LRRC4C: variants seen among roughly 807,000 people sequenced by gnomAD.
The protein encoded by LRRC4C is leucine-rich repeat-containing protein 4C.
LRRC4C carries 5 observed loss-of-function variants against 33.6 expected under a neutral mutation model. That is an observed-to-expected ratio of 0.15 (90% CI 0.08 to 0.31). The LOEUF is 0.31. Ranked by LOEUF, LRRC4C falls within the 10% of genes least tolerant of loss-of-function variation. LRRC4C has a pLI of 1.00. For synonymous variants in LRRC4C, 329 were observed against 302.0 expected (o/e 1.09, Z -0.93); for missense variants, 560 against 796.7 (o/e 0.70, Z 3.58).
intron 1 of LRRC4C, among the ~76,000 whole-genome samples, chr11:41,246,853 TG>T (rs1948471261): frequency 6.6e-6 from 1 of 152,234 alleles, no homozygotes; most frequent in African/African-American, 2.4e-5. Context: ...GTCAACACTC[TG>T]GGACAGGCAC....
chr11:40,635,628 A>ATTTTTT lies in LRRC4C; in HGVS notation c.-270+12508_-270+12513dup, dbSNP rs71060975. Among the ~76,000 whole-genome samples, 304 of 92,218 alleles carry ATTTTTT rather than the reference A, an allele frequency of 3.3e-3. 14 individuals carry two copies. The highest frequency in any genetic ancestry group is 0.012 in the African/African-American group (293 of 24,790). The allele number at this position is 92,218 out of a possible 152,430, so 60.5% of individuals were successfully genotyped here. ...ACTCCAGAAATTGAAAAAGAACCAA[A>ATTTTTT]TTTTTTTTTTTTTTTTTTTTTTTTT... On this transcript the variant is annotated intron_variant, in intron 3 of 6. Coordinates refer to ENST00000528697, the MANE Select transcript of LRRC4C (RefSeq NM_001258419.2).
At chr11:40,836,997 T>C (rs1359889419) in intron 2 of LRRC4C, among the ~76,000 whole-genome samples, 1 of 152,128 alleles carries the variant, frequency 6.6e-6, no homozygotes, top group Non-Finnish European at 1.5e-5. Flanking sequence ...AAATCTCTTG[T>C]TTTTGCCAGC....
In LRRC4C at chr11:41,221,910, C is replaced by T. The variant is rs117203378; in HGVS notation, c.-496+237521G>A. Among the ~76,000 whole-genome samples the T allele has an allele frequency of 6.1e-3, 933 of 152,020 alleles. 4 individuals are homozygous for T. The highest frequency in any genetic ancestry group is 0.011 in the Non-Finnish European group (730 of 68,004). ...CCTGAATTTGTACTTATTTCTTCTT[C>T]TAGGGCACGCTACATCTTAAGAACT... On this transcript the variant is annotated intron_variant, in intron 1 of 6. Transcript: ENST00000528697.
intron 1 of LRRC4C, among the ~76,000 whole-genome samples, chr11:41,011,567 G>T (rs1046380487): frequency 9.2e-5 from 14 of 151,822 alleles, no homozygotes; most frequent in African/African-American, 3.4e-4. Flanking sequence ...CTCTTAACCT[G>T]CCCTTTAACA....
Position 40,114,613 on chromosome 11 carries a change from G to T in LRRC4C, c.1680C>A (p.His560Gln), listed in dbSNP as rs142620688. 6.2e-7 allele frequency: 1 copy of T among 1,614,038 alleles called. No individual in the cohort carries two copies. Among genetic ancestry groups the T allele is most frequent in the African/African-American group, 1.3e-5 (1 of 74,908 alleles). Residue 560 changes from histidine (H) to glutamine (Q), a missense_variant, in exon 7 of 7, where the codon CAC (histidine) becomes CAA (glutamine). By Grantham distance (24) the His-to-Gln change is conservative. This residue lies in a region of LRRC4C where 103 missense variants were observed against 132.1 expected (regional missense o/e 0.78). Coordinates refer to ENST00000528697, the MANE Select transcript of LRRC4C (RefSeq NM_001258419.2). ...MRKQHHRQNH[H>Q]APTRTVEIIN... ...TAATTTCAACAGTCCTTGTTGGGGC[G>T]TGATGGTTTTGCCGATGGTGCTGCT...
intron 1 of LRRC4C, among the ~76,000 whole-genome samples, chr11:41,347,503 A>C (rs1951841655): frequency 6.6e-6 from 1 of 152,196 alleles, no homozygotes; most frequent in Non-Finnish European, 1.5e-5. Flanking sequence ...TAAATTTTCA[A>C]ATTTCAAGGG....
At chr11:40,788,822 G>C (rs1479036141) in intron 2 of LRRC4C, among the ~76,000 whole-genome samples, 1 of 152,072 alleles carries the variant, frequency 6.6e-6, no homozygotes, top group Non-Finnish European at 1.5e-5. Flanking sequence ...GGCCGGGCAC[G>C]GTGGCTCACG....
intron 3 of LRRC4C, among the ~76,000 whole-genome samples, chr11:40,540,212 C>T (rs923527121): frequency 1.3e-5 from 2 of 152,158 alleles, no homozygotes; most frequent in Non-Finnish European, 2.9e-5. Context: ...CTTTTTCCCT[C>T]TTAGCTTTTT....
chr11:40,956,813 A>G (rs961884515), intron 1 of LRRC4C, among the ~76,000 whole-genome samples: 3 of 151,710 alleles, frequency 2.0e-5, no homozygotes. Context: ...CTTCACTTCA[A>G]AGACATATTT....
At chr11:40,659,508 G>A (rs1943312252) in intron 2 of LRRC4C, among the ~76,000 whole-genome samples, 1 of 152,098 alleles carries the variant, frequency 6.6e-6, no homozygotes, top group African/African-American at 2.4e-5. Flanking sequence ...GCCCTTGGTT[G>A]CCCATGGACC....
At chr11:41,453,112 T>G (rs1259270919) in intron 1 of LRRC4C, among the ~76,000 whole-genome samples, 1 of 152,132 alleles carries the variant, frequency 6.6e-6, no homozygotes. Context: ...TATTGGGACA[T>G]GCTACCCATA....
chr11:40,377,393 T>C (rs1368028915), intron 3 of LRRC4C, among the ~76,000 whole-genome samples: 1 of 152,188 alleles, frequency 6.6e-6, no homozygotes, highest in African/African-American at 2.4e-5. Flanking sequence ...TGTTGATTAA[T>C]TTGTCATCAA....
At chr11:41,166,534 T>C in intron 1 of LRRC4C, among the ~76,000 whole-genome samples, 1 of 152,132 alleles carries the variant, frequency 6.6e-6, no homozygotes, top group East Asian at 1.9e-4. Context: ...TTTTGACAAA[T>C]TCACTAACTC....
intron 3 of LRRC4C, among the ~76,000 whole-genome samples, chr11:40,598,490 T>G (rs1218545600): frequency 6.6e-6 from 1 of 152,152 alleles, no homozygotes; most frequent in African/African-American, 2.4e-5. Flanking sequence ...AGTAAGCACT[T>G]AAAACATGTT....
intron 1 of LRRC4C, among the ~76,000 whole-genome samples, chr11:41,203,498 C>G (rs1014143507): frequency 1.3e-5 from 2 of 152,106 alleles, no homozygotes; most frequent in African/African-American, 4.8e-5. Context: ...AAATAAATTG[C>G]AAACTTTATT....
At chr11:40,219,808 T>C (rs1030715243) in intron 5 of LRRC4C, among the ~76,000 whole-genome samples, 4 of 151,972 alleles carry the variant, frequency 2.6e-5, no homozygotes, top group African/African-American at 7.3e-5. Context: ...AAGTCCAGAG[T>C]TGTAAGCTAC....
chr11:41,235,641 G>A (rs186900264), intron 1 of LRRC4C, among the ~76,000 whole-genome samples: 69 of 152,208 alleles, frequency 4.5e-4, no homozygotes, highest in Admixed American at 4.5e-3. Flanking sequence ...TAGTTACACA[G>A]TTTTTTAAAA....
chr11:40,123,600 A>C (rs1459419363), intron 6 of LRRC4C, among the ~76,000 whole-genome samples: 1 of 151,770 alleles, frequency 6.6e-6, no homozygotes, highest in Non-Finnish European at 1.5e-5. Flanking sequence ...ACACGCAAAA[A>C]ATGGAAAGAT....
chr11:40,543,872 T>C (rs1317917988), intron 3 of LRRC4C, among the ~76,000 whole-genome samples: 1 of 152,110 alleles, frequency 6.6e-6, no homozygotes, highest in Non-Finnish European at 1.5e-5. Context: ...GGTGTATTAC[T>C]ATAGATGTGA....
Sources: gnomAD v4.1 joint callset for allele counts (sites outside exome capture counted in the v4.1 genomes callset) on GRCh38, gnomAD v4.1.1 for gene constraint, gnomAD v4.1.1 regional missense constraint, MANE v1.5 for transcripts, NCBI Gene and HGNC (gene_info 2026-07-23, HGNC 2026-07-21) for gene names.